Variants in LAMC1 observed in about 807,000 individuals in gnomAD.
The protein encoded by LAMC1 is laminin subunit gamma 1.
In LAMC1, 38 loss-of-function variants were observed where a neutral mutation model predicts 173.6. The observed-to-expected ratio is 0.22, with a 90% CI of 0.17 to 0.29. LAMC1 has a LOEUF of 0.29. Ranked by LOEUF, LAMC1 falls within the 10% of genes least tolerant of loss-of-function variation. The pLI, the probability that LAMC1 is intolerant of heterozygous loss-of-function variation, is 1.00. For missense variants in LAMC1, 1,824 were observed against 2,051.8 expected (o/e 0.89, Z 2.14); for synonymous variants, 746 against 749.1 (o/e 1.00, Z 0.07).
At chr1:183,026,452 G>A (rs1331363069) in intron 1 of LAMC1, among the ~76,000 whole-genome samples, 8 of 151,742 alleles carry the variant, frequency 5.3e-5, no homozygotes, top group Admixed American at 5.3e-4. Context: ...TGTATGTTTC[G>A]ATCAACAATT....
At chr1:183,057,628 G>T (rs1171466926) in intron 1 of LAMC1, among the ~76,000 whole-genome samples, 1 of 152,114 alleles carries the variant, frequency 6.6e-6, no homozygotes, top group East Asian at 1.9e-4. Flanking sequence ...GGGCATGATG[G>T]TGGGCGCCTG....
intron 1 of LAMC1, among the ~76,000 whole-genome samples, chr1:183,030,825 G>T (rs1395171996): frequency 6.6e-6 from 1 of 151,972 alleles, no homozygotes; most frequent in Admixed American, 6.6e-5. Context: ...CTTTAAAAAT[G>T]GACATAAGCA....
At chr1:183,045,000 G>A (rs569959534) in intron 1 of LAMC1, among the ~76,000 whole-genome samples, 96 of 151,312 alleles carry the variant, frequency 6.3e-4, no homozygotes, top group African/African-American at 2.1e-3. Flanking sequence ...TACTTCCCTT[G>A]TACATTCTTA....
intron 2 of LAMC1, among the ~76,000 whole-genome samples, chr1:183,107,173 A>G (rs1571443979): frequency 6.6e-6 from 1 of 152,328 alleles, no homozygotes; most frequent in East Asian, 1.9e-4. Context: ...AAATTCATTC[A>G]TTCACTTAGC....
intron 1 of LAMC1, among the ~76,000 whole-genome samples, chr1:183,084,564 T>A (rs12070016): frequency 0.045 from 6,919 of 152,268 alleles, 335 homozygotes; most frequent in African/African-American, 0.12. Context: ...CCCACAGTAA[T>A]TGGTGGTCTA....
Position 183,142,691 on chromosome 1 carries a change from A to T in LAMC1, c.4731A>T (p.Arg1577=). The change falls in exon 28 of 28, where the codon CGA becomes CGT. Residue 1577 remains arginine (R), a synonymous_variant. Coordinates refer to ENST00000258341, the MANE Select transcript of LAMC1 (RefSeq NM_002293.4). ...KQEAAIMDYN[R]DIEEIMKDIR... ...AGGCTGCCATCATGGACTATAACCG[A>T]GATATCGAGGAGATCATGAAGGACA... 1 of 1,614,102 alleles carries T rather than the reference A, an allele frequency of 6.2e-7. No individual in the cohort carries two copies. The highest frequency in any genetic ancestry group is 2.2e-5 in the East Asian group (1 of 44,880).
At chr1:183,099,501 C>G (rs1227833493) in intron 1 of LAMC1, among the ~76,000 whole-genome samples, 1 of 152,158 alleles carries the variant, frequency 6.6e-6, no homozygotes, top group Non-Finnish European at 1.5e-5. Flanking sequence ...TTACTTGACT[C>G]TCCTAGCAGA....
rs1655100937 is a variant in LAMC1 at position 183,075,421 on chromosome 1, G to A, written c.419-27907G>A. ...ATGAGCCACCGCGCCCAGCGTATCT[G>A]ATGTTTTTAATCTCTTTACAAGCAT... On this transcript the variant is annotated intron_variant, in intron 1 of 27. Transcript: ENST00000258341. Among the ~76,000 whole-genome samples the A allele has an allele frequency of 2.0e-5, 3 of 152,130 alleles. No homozygotes were observed. In the South Asian group the frequency reaches 6.2e-4, roughly 32 times the overall value.
chr1:183,080,561 A>AG (rs1655245321), intron 1 of LAMC1, among the ~76,000 whole-genome samples: 1 of 152,196 alleles, frequency 6.6e-6, no homozygotes, highest in African/African-American at 2.4e-5. Flanking sequence ...CTTGGGGCTT[A>AG]GGATGATTGA....
At chr1:183,040,189 C>T (rs921709847) in intron 1 of LAMC1, among the ~76,000 whole-genome samples, 1 of 152,206 alleles carries the variant, frequency 6.6e-6, no homozygotes, top group Non-Finnish European at 1.5e-5. Context: ...TTGCCTGGAT[C>T]CCTGCTGTCT....
In LAMC1 at chr1:183,023,559, C is replaced by T. The variant is rs1571393133; in HGVS notation, c.-158C>T. The stretch of plus-strand genomic sequence containing the variant: ...GTCCTCGCTAGGGGCGCCCACCCGT[C>T]AGTCTCTCCGGCGCGAGCCGCCGCC... On this transcript the variant is annotated 5_prime_UTR_variant, in exon 1 of 28. Coordinates refer to ENST00000258341, the MANE Select transcript of LAMC1 (RefSeq NM_002293.4). 6.5e-5 allele frequency: 25 copies of T among 386,868 alleles called. No individual in the cohort carries two copies. In the East Asian group the frequency reaches 1.7e-3, roughly 27 times the overall value. 24.0% of individuals were successfully genotyped at this position (386,868 alleles called of 1,614,324 possible).
chr1:183,104,264 A>G (rs147325585), intron 2 of LAMC1, among the ~76,000 whole-genome samples: 167 of 152,388 alleles, frequency 1.1e-3, no homozygotes, highest in African/African-American at 3.9e-3. Context: ...AAACATTGTG[A>G]TAGAAACCTT....
At chr1:183,138,865 C>T (rs551760447) in intron 26 of LAMC1, among the ~76,000 whole-genome samples, 1 of 152,102 alleles carries the variant, frequency 6.6e-6, no homozygotes, top group East Asian at 1.9e-4. Context: ...ACCAGCCTGG[C>T]CAACATGGTG....
intron 1 of LAMC1, among the ~76,000 whole-genome samples, chr1:183,042,706 A>T (rs535886538): frequency 2.0e-5 from 3 of 152,330 alleles, no homozygotes; most frequent in Non-Finnish European, 4.4e-5. Flanking sequence ...GAGCCTCTGA[A>T]GAAAGGGTGT....
chr1:183,122,813 C>T (rs923989998), intron 13 of LAMC1, among the ~76,000 whole-genome samples: 5 of 152,086 alleles, frequency 3.3e-5, no homozygotes, highest in East Asian at 3.9e-4. Context: ...TTCTCTGGAT[C>T]GATGACCTCA....
chr1:183,038,190 C>T (rs1654033671), intron 1 of LAMC1, among the ~76,000 whole-genome samples: 1 of 152,072 alleles, frequency 6.6e-6, no homozygotes, highest in Admixed American at 6.6e-5. Context: ...CGTGGGCCAC[C>T]ATGCCTGGCT....
intron 1 of LAMC1, among the ~76,000 whole-genome samples, chr1:183,040,278 T>C (rs1036256631): frequency 2.0e-4 from 30 of 152,178 alleles, no homozygotes; most frequent in African/African-American, 6.3e-4. Context: ...CTTCCTCAGG[T>C]CCCTTTTATG....
intron 1 of LAMC1, among the ~76,000 whole-genome samples, chr1:183,044,898 A>G (rs1206500893): frequency 6.6e-6 from 1 of 151,814 alleles, no homozygotes; most frequent in Non-Finnish European, 1.5e-5. Flanking sequence ...TATTAATTGT[A>G]AAGTGTCATG....
At chr1:183,039,009 C>T (rs1241909781) in intron 1 of LAMC1, among the ~76,000 whole-genome samples, 1 of 152,016 alleles carries the variant, frequency 6.6e-6, no homozygotes, top group African/African-American at 2.4e-5. Context: ...TTAAGGTAGG[C>T]GTAGTTGCCT....
Sources: gnomAD v4.1 joint callset for allele counts (sites outside exome capture counted in the v4.1 genomes callset) on GRCh38, gnomAD v4.1.1 for gene constraint, MANE v1.5 for transcripts, NCBI Gene and HGNC (gene_info 2026-07-23, HGNC 2026-07-21) for gene names.